PCCA: variants seen among roughly 807,000 people sequenced by gnomAD.
PCCA encodes propionyl-CoA carboxylase alpha chain, mitochondrial.
In PCCA, 74 loss-of-function variants were observed where a neutral mutation model predicts 101.3. The observed-to-expected ratio is 0.73, with a 90% CI of 0.61 to 0.89. The LOEUF (loss-of-function observed/expected upper bound fraction) is 0.89. Ranked by LOEUF, PCCA falls within the 40% of genes least tolerant of loss-of-function variation. The pLI is 0.00. For missense variants in PCCA, 891 were observed against 907.0 expected, an observed-to-expected ratio of 0.98 and a Z score of 0.23; for synonymous variants, 294 against 313.6, an observed-to-expected ratio of 0.94 and a Z score of 0.66.
intron 19 of PCCA, among the ~76,000 whole-genome samples, chr13:100,388,651 C>T (rs2152837482): frequency 6.6e-6 from 1 of 152,228 alleles, no homozygotes; most frequent in African/African-American, 2.4e-5. Flanking sequence ...CAAAAATTAG[C>T]CAGGTGTGGT....
At chr13:100,496,448 T>C (rs371121628) in intron 21 of PCCA, among the ~76,000 whole-genome samples, 18 of 152,230 alleles carry the variant, frequency 1.2e-4, no homozygotes, top group African/African-American at 3.4e-4. Flanking sequence ...TTGGATTCAT[T>C]TGGTGTTTCC....
intron 7 of PCCA, among the ~76,000 whole-genome samples, chr13:100,217,935 G>A (rs370025695): frequency 5.3e-5 from 8 of 151,168 alleles, no homozygotes; most frequent in African/African-American, 1.9e-4. Context: ...AATAAGCTGG[G>A]CGTGGTGGCA....
At chr13:100,514,114 G>C (rs998903302) in intron 21 of PCCA, among the ~76,000 whole-genome samples, 1 of 152,190 alleles carries the variant, frequency 6.6e-6, no homozygotes, top group Non-Finnish European at 1.5e-5. Flanking sequence ...GGAGCAAAAA[G>C]CTTTTATTTG....
intron 21 of PCCA, among the ~76,000 whole-genome samples, chr13:100,481,923 A>G (rs1020198373): frequency 3.3e-5 from 5 of 152,230 alleles, no homozygotes; most frequent in Non-Finnish European, 4.4e-5. Context: ...GACCCTATCT[A>G]TGCATTATTA....
intron 19 of PCCA, among the ~76,000 whole-genome samples, chr13:100,401,653 C>A (rs2077372144): frequency 1.3e-5 from 2 of 152,048 alleles, no homozygotes; most frequent in South Asian, 4.1e-4. Context: ...ATTTTCTACT[C>A]ATTCCTTTCC....
chr13:100,466,022 C>A (rs549202885), intron 21 of PCCA: 1 of 152,306 alleles, frequency 6.6e-6, no homozygotes, highest in East Asian at 1.9e-4. Context: ...AGGGCAAAGT[C>A]TAGTTTGTGT....
At chr13:100,101,118 G>C (rs1246543360) in intron 1 of PCCA, among the ~76,000 whole-genome samples, 1 of 152,094 alleles carries the variant, frequency 6.6e-6, no homozygotes, top group East Asian at 1.9e-4. Context: ...TCTACTTCTA[G>C]TTACTGGGTA....
intron 6 of PCCA, among the ~76,000 whole-genome samples, chr13:100,188,951 A>G (rs968880397): frequency 6.6e-6 from 1 of 151,360 alleles, no homozygotes; most frequent in Non-Finnish European, 1.5e-5. Context: ...GTTTTGTTAT[A>G]TAGGTATACA....
At chr13:100,151,777 A>G (rs1156996870) in intron 4 of PCCA, among the ~76,000 whole-genome samples, 2 of 152,244 alleles carry the variant, frequency 1.3e-5, no homozygotes, top group African/African-American at 2.4e-5. Flanking sequence ...ACATATAGCC[A>G]GTAAATCCTG....
chr13:100,322,667 C>T (rs1387330070), intron 16 of PCCA, among the ~76,000 whole-genome samples: 1 of 151,808 alleles, frequency 6.6e-6, no homozygotes, highest in Non-Finnish European at 1.5e-5. Context: ...AACTCCTGGG[C>T]TCAAGTGATC....
chr13:100,410,699 G>C (rs2077994090), intron 19 of PCCA, among the ~76,000 whole-genome samples: 1 of 152,088 alleles, frequency 6.6e-6, no homozygotes, highest in Non-Finnish European at 1.5e-5. Flanking sequence ...TTTTTTTAAA[G>C]TTTGTTGAAT....
intron 4 of PCCA, among the ~76,000 whole-genome samples, chr13:100,144,571 G>T (rs1368974834): frequency 6.6e-6 from 1 of 152,044 alleles, no homozygotes; most frequent in Non-Finnish European, 1.5e-5. Context: ...CTGATTAATT[G>T]TAGAAAACTA....
Position 100,157,334 on chromosome 13 carries a change from A to G in PCCA, c.462A>G (p.Arg154=), listed in dbSNP as rs1181769365. The stretch of plus-strand genomic sequence containing the variant: ...TTTCAGAAAACAAAGAATTTGCCAG[A>G]TGTTTGGTAAGTTGGTAATGAACCA... ...GFLSENKEFA[R]CLAAEDVVFI... The change falls in exon 6 of 24, where the codon AGA becomes AGG. Residue 154 remains arginine (R), a synonymous_variant. Transcript: ENST00000376285. 1.2e-6 allele frequency: 2 copies of G among 1,606,508 alleles called. No homozygotes were observed. The highest frequency in any genetic ancestry group is 3.3e-5 in the Admixed American group (2 of 59,996).
At chr13:100,146,404 G>A (rs145720698) in intron 4 of PCCA, among the ~76,000 whole-genome samples, 2,630 of 151,670 alleles carry the variant, frequency 0.017, 82 homozygotes, top group African/African-American at 0.06. Flanking sequence ...GTGAAACCCC[G>A]TCTCCACTAA....
intron 21 of PCCA, among the ~76,000 whole-genome samples, chr13:100,501,078 G>A (rs1338065974): frequency 6.6e-6 from 1 of 152,078 alleles, no homozygotes; most frequent in African/African-American, 2.4e-5. Flanking sequence ...GGAGGCGGAG[G>A]TTGCAGTGAG....
intron 15 of PCCA, among the ~76,000 whole-genome samples, chr13:100,308,102 C>T (rs2066609194): frequency 6.6e-6 from 1 of 152,170 alleles, no homozygotes; most frequent in Non-Finnish European, 1.5e-5. Context: ...ATCCGCCCGC[C>T]TCGGCCTCCC....
intron 6 of PCCA, among the ~76,000 whole-genome samples, chr13:100,206,282 C>A (rs1326552534): frequency 6.6e-6 from 1 of 151,510 alleles, no homozygotes; most frequent in Non-Finnish European, 1.5e-5. Flanking sequence ...TCTTTTTTTT[C>A]TGGAGACAGA....
chr13:100,148,367 C>T (rs2052842691), intron 4 of PCCA, among the ~76,000 whole-genome samples: 1 of 152,152 alleles, frequency 6.6e-6, no homozygotes, highest in Non-Finnish European at 1.5e-5. Flanking sequence ...TGTCACTCTG[C>T]CTCTCCTACT....
rs750013475 is a variant in PCCA at position 100,307,251 on chromosome 13, G to C, written c.1344G>C (p.Met448Ile). ...GSDISIYYDPMISKLITYGSD... is the reference protein window; with the variant it reads ...GSDISIYYDPIISKLITYGSD... The stretch of plus-strand genomic sequence containing the variant: ...ATATTAGCATTTATTATGATCCTAT[G>C]ATTTCAAAAGTTAGTTTAATTTCTC... Residue 448 changes from methionine to isoleucine, a missense_variant, in exon 15 of 24, where the codon ATG becomes ATC. Physicochemically the swap from Met to Ile is conservative, Grantham distance 10 (BLOSUM62 1). Coordinates refer to ENST00000376285, the MANE Select transcript of PCCA (RefSeq NM_000282.4). 7.5e-6 allele frequency: 12 copies of C among 1,595,424 alleles called. 2 individuals are homozygous for C. In the South Asian group the frequency reaches 1.3e-4, roughly 18 times the overall value.
Sources: gnomAD v4.1 joint callset for allele counts (sites outside exome capture counted in the v4.1 genomes callset) on GRCh38, gnomAD v4.1.1 for gene constraint, MANE v1.5 for transcripts, NCBI Gene and HGNC (gene_info 2026-07-23, HGNC 2026-07-21) for gene names.